Variants in APP observed in about 807,000 individuals in gnomAD.
The protein encoded by APP is amyloid beta precursor protein.
Under a neutral mutation model 101.4 loss-of-function variants are expected in APP, and 31 were observed. The observed-to-expected ratio is 0.31, with a 90% CI of 0.23 to 0.41. APP has a LOEUF of 0.41. Among genes scored for constraint, APP ranks in the 10% least tolerant of loss-of-function variants. The pLI is 1.00. For missense variants in APP, 839 were observed against 1,003.7 expected, an observed-to-expected ratio of 0.84 and a Z score of 2.22; for synonymous variants, 366 against 364.4, an observed-to-expected ratio of 1.00 and a Z score of -0.05.
At chr21:26,083,683 T>G (rs2061642627) in intron 3 of APP, among the ~76,000 whole-genome samples, 1 of 152,220 alleles carries the variant, frequency 6.6e-6, no homozygotes, top group South Asian at 2.1e-4. Context: ...TAACAAGCCT[T>G]GGGACAATAT....
At chr21:26,096,095 C>T (rs979587766) in intron 2 of APP, among the ~76,000 whole-genome samples, 1 of 152,220 alleles carries the variant, frequency 6.6e-6, no homozygotes, top group Non-Finnish European at 1.5e-5. Context: ...GTTCCAAACA[C>T]ACTCTTACCT....
intron 5 of APP, among the ~76,000 whole-genome samples, chr21:26,046,175 A>G (rs1219553938): frequency 6.6e-6 from 1 of 151,980 alleles, no homozygotes; most frequent in Non-Finnish European, 1.5e-5. Context: ...AAAAGCCAAA[A>G]CATATCACTG....
chr21:25,983,223 C>A (rs2042507404), intron 8 of APP, among the ~76,000 whole-genome samples: 1 of 152,062 alleles, frequency 6.6e-6, no homozygotes, highest in East Asian at 1.9e-4. Context: ...ATTATAATAC[C>A]TATACAAGCA....
intron 2 of APP, among the ~76,000 whole-genome samples, chr21:26,098,909 T>C (rs556269025): frequency 1.3e-5 from 2 of 152,320 alleles, no homozygotes; most frequent in South Asian, 2.1e-4. Context: ...GAAACCCGCA[T>C]GTGTTTTGCC....
chr21:26,087,212 C>A (rs931069546), intron 3 of APP, among the ~76,000 whole-genome samples: 1 of 152,126 alleles, frequency 6.6e-6, no homozygotes, highest in African/African-American at 2.4e-5. Flanking sequence ...AAAAGCAGCA[C>A]CTATATTCCT....
intron 1 of APP, among the ~76,000 whole-genome samples, chr21:26,157,512 T>C (rs1265000466): frequency 1.3e-5 from 2 of 152,210 alleles, no homozygotes; most frequent in East Asian, 1.9e-4. Flanking sequence ...TGTCAAACTA[T>C]TGGAACATAT....
intron 5 of APP, among the ~76,000 whole-genome samples, chr21:26,045,225 T>TTTTAA (rs1314625470): frequency 1.5e-3 from 234 of 152,308 alleles, no homozygotes; most frequent in African/African-American, 5.4e-3. Context: ...TTATGAGCTG[T>TTTTAA]CAATGTTTTA....
chr21:26,156,038 T>C (rs1391188733), intron 1 of APP, among the ~76,000 whole-genome samples: 1 of 151,992 alleles, frequency 6.6e-6, no homozygotes, highest in Non-Finnish European at 1.5e-5. Flanking sequence ...ACTTCATTTA[T>C]GCTATGCCTG....
At chr21:26,088,509 A>G (rs2061749532) in intron 3 of APP, among the ~76,000 whole-genome samples, 1 of 152,188 alleles carries the variant, frequency 6.6e-6, no homozygotes, top group Non-Finnish European at 1.5e-5. Flanking sequence ...AAAAGAAACA[A>G]ATCATTAACA....
rs554217295 is a variant in APP at position 26,022,164 on chromosome 21, A to G, written c.663-122T>C. 1.1e-5 allele frequency: 13 copies of G among 1,152,538 alleles called. No homozygotes were observed. The South Asian group carries it at 1.5e-4, about 13-fold the overall frequency. The allele number at this position is 1,152,538 out of a possible 1,614,324, so 71.4% of individuals were successfully genotyped here. On this transcript the variant is annotated intron_variant, in intron 5 of 17. Coordinates refer to ENST00000346798, the MANE Select transcript of APP (RefSeq NM_000484.4). ...AGAAACACACCCAAAACTTCAATTC[A>G]GCAGGTCTAAGTATAAATCCCAGCT...
intron 17 of APP, among the ~76,000 whole-genome samples, chr21:25,890,455 TG>T (rs1215936179): frequency 6.6e-6 from 1 of 152,228 alleles, no homozygotes; most frequent in East Asian, 1.9e-4. Context: ...GAAAAAGCAA[TG>T]GGGGCCAGAC....
At chr21:26,019,246 G>A (rs1250721586) in intron 6 of APP, among the ~76,000 whole-genome samples, 1 of 152,206 alleles carries the variant, frequency 6.6e-6, no homozygotes, top group Non-Finnish European at 1.5e-5. Flanking sequence ...GGCATTGAAG[G>A]TCTCTATATT....
chr21:25,933,551 AC>A (rs2040237025), intron 13 of APP, among the ~76,000 whole-genome samples: 1 of 152,044 alleles, frequency 6.6e-6, no homozygotes, highest in Admixed American at 6.6e-5. Flanking sequence ...CCATTAATGA[AC>A]CTCCCTTTGT....
chr21:26,142,506 T>G (rs530844528), intron 1 of APP, among the ~76,000 whole-genome samples: 7 of 152,282 alleles, frequency 4.6e-5, no homozygotes, highest in African/African-American at 1.7e-4. Flanking sequence ...CGGTGGTTGA[T>G]GTCTATAATT....
At chr21:26,155,642 T>C (rs2063360064) in intron 1 of APP, among the ~76,000 whole-genome samples, 4 of 152,212 alleles carry the variant, frequency 2.6e-5, no homozygotes, top group Non-Finnish European at 5.9e-5. Context: ...AACCATGCTT[T>C]TGTTTTCTTA....
At chr21:25,958,182 A>G (rs904446229) in intron 11 of APP, among the ~76,000 whole-genome samples, 3 of 152,144 alleles carry the variant, frequency 2.0e-5, no homozygotes, top group Non-Finnish European at 4.4e-5. Flanking sequence ...CTAAATTTCA[A>G]TTTAGAGAAG....
chr21:25,893,025 C>T (rs1406648437), intron 16 of APP, among the ~76,000 whole-genome samples: 1 of 151,830 alleles, frequency 6.6e-6, no homozygotes, highest in Non-Finnish European at 1.5e-5. Context: ...CAACAGTGAA[C>T]ACAGGTTCAC....
intron 1 of APP, among the ~76,000 whole-genome samples, chr21:26,161,223 A>C (rs928634916): frequency 1.3e-5 from 2 of 152,218 alleles, no homozygotes; most frequent in African/African-American, 4.8e-5. Context: ...ACTTGTTTTC[A>C]ACATTTAATC....
At chr21:25,896,538 C>G (rs1475947550) in intron 16 of APP, among the ~76,000 whole-genome samples, 3 of 152,152 alleles carry the variant, frequency 2.0e-5, no homozygotes, top group Non-Finnish European at 4.4e-5. Flanking sequence ...AAATTGTCGT[C>G]TTCATTAATT....
Sources: allele counts gnomAD v4.1 joint callset (sites outside exome capture counted in the v4.1 genomes callset), GRCh38; gene constraint gnomAD v4.1.1; transcripts MANE v1.5; gene names NCBI Gene and HGNC (gene_info 2026-07-23, HGNC 2026-07-21).